Variants in CCSER1 observed in about 807,000 individuals in gnomAD.
CCSER1 encodes the protein serine-rich coiled-coil domain-containing protein 1.
CCSER1 carries 41 observed loss-of-function variants against 82.0 expected under a neutral mutation model. The ratio of observed to expected loss-of-function variants is 0.50; its 90% CI spans 0.39 to 0.65. CCSER1 has a LOEUF of 0.65. Among genes scored for constraint, CCSER1 ranks in the 30% least tolerant of loss-of-function variants. The probability of loss-of-function intolerance (pLI) is 0.00; values close to 1 mark genes in which losing one functional copy is unlikely to be tolerated. For synonymous variants in CCSER1, 414 were observed against 383.9 expected, an observed-to-expected ratio of 1.08 and a Z score of -0.92; for missense variants, 1,119 against 1,064.2, an observed-to-expected ratio of 1.05 and a Z score of -0.72.
intron 6 of CCSER1, among the ~76,000 whole-genome samples, chr4:90,660,562 A>G (rs1730586957): frequency 6.6e-6 from 1 of 152,140 alleles, no homozygotes. Flanking sequence ...AATTCATAAA[A>G]GCTGTGTAAG....
chr4:91,047,819 A>G (rs1742644451), intron 9 of CCSER1, among the ~76,000 whole-genome samples: 1 of 152,172 alleles, frequency 6.6e-6, no homozygotes, highest in South Asian at 2.1e-4. Flanking sequence ...AGCCATATAT[A>G]AATATTCGCC....
intron 1 of CCSER1, among the ~76,000 whole-genome samples, chr4:90,268,799 G>T (rs1279089428): frequency 6.6e-6 from 1 of 151,722 alleles, no homozygotes; most frequent in Non-Finnish European, 1.5e-5. Flanking sequence ...TTGCCTACAA[G>T]AAATGTACTT....
At chr4:90,966,200 T>A (rs906994661) in intron 9 of CCSER1, among the ~76,000 whole-genome samples, 3 of 152,040 alleles carry the variant, frequency 2.0e-5, no homozygotes, top group Non-Finnish European at 4.4e-5. Context: ...TATTTGAAGA[T>A]ATGATGGCCA....
chr4:90,958,358 A>G (rs1240257807), intron 9 of CCSER1, among the ~76,000 whole-genome samples: 3 of 152,184 alleles, frequency 2.0e-5, no homozygotes, highest in Non-Finnish European at 4.4e-5. Context: ...TAAAACAGTA[A>G]AGTAATAGCT....
chr4:90,299,759 G>C lies in CCSER1; in HGVS notation c.-41-8485G>C, dbSNP rs72879761. Among the ~76,000 whole-genome samples the C allele has an allele frequency of 7.8e-3, 1,194 of 152,212 alleles. 15 individuals carry two copies. Among genetic ancestry groups the C allele is most frequent in the African/African-American group, 0.027 (1,128 of 41,554 alleles). ...TGTAGATAGCATGGTCTTTCTAGTA[G>C]AAAGAGCCTGGACTGCAAGAATCCT... On this transcript the variant is annotated intron_variant, in intron 1 of 10. Transcript: ENST00000509176.
In CCSER1 at chr4:91,058,168, C is replaced by T. The variant is rs966678828; in HGVS notation, c.2173-27782C>T. ...TTTCCTGATCCTCTCCCTTCTCCCA[C>T]CCTTCACCCTCTGAGAAGCTCCAGT... On this transcript the variant is annotated intron_variant, in intron 9 of 10. Coordinates refer to ENST00000509176, the MANE Select transcript of CCSER1 (RefSeq NM_001145065.2). Among the ~76,000 whole-genome samples, 14 of 152,166 alleles carry T rather than the reference C, an allele frequency of 9.2e-5. No individual in the cohort carries two copies. In the East Asian group the frequency reaches 1.4e-3, roughly 15 times the overall value.
intron 7 of CCSER1, among the ~76,000 whole-genome samples, chr4:90,765,235 C>A (rs78675079): frequency 0.053 from 8,092 of 152,174 alleles, 284 homozygotes; most frequent in Non-Finnish European, 0.082. Flanking sequence ...CTTTGGGAAA[C>A]CTGTTTTTCA....
intron 4 of CCSER1, among the ~76,000 whole-genome samples, chr4:90,429,968 T>TG (rs1758053342): frequency 6.6e-6 from 1 of 151,832 alleles, no homozygotes; most frequent in Non-Finnish European, 1.5e-5. Context: ...AGGAAAGATC[T>TG]TTACTAAGTC....
At chr4:90,191,555 C>G (rs1735636642) in intron 1 of CCSER1, among the ~76,000 whole-genome samples, 1 of 151,910 alleles carries the variant, frequency 6.6e-6, no homozygotes, top group Non-Finnish European at 1.5e-5. Context: ...GTGGGTGTAC[C>G]ATGCATGGAA....
At chr4:90,375,188 T>G (rs553239787) in intron 3 of CCSER1, among the ~76,000 whole-genome samples, 1 of 152,276 alleles carries the variant, frequency 6.6e-6, no homozygotes, top group East Asian at 1.9e-4. Flanking sequence ...ACTGGATTCT[T>G]TTGTTAGACT....
At chr4:90,182,688 A>G (rs969148782) in intron 1 of CCSER1, among the ~76,000 whole-genome samples, 3 of 152,124 alleles carry the variant, frequency 2.0e-5, no homozygotes, top group African/African-American at 7.2e-5. Context: ...CTATTTTGGA[A>G]AGGAAAATTT....
At chr4:91,584,733 T>A (rs1421306371) in intron 10 of CCSER1, among the ~76,000 whole-genome samples, 1 of 151,570 alleles carries the variant, frequency 6.6e-6, no homozygotes, top group Non-Finnish European at 1.5e-5. Context: ...TATATATTTT[T>A]CTTCAGGTTT....
chr4:91,309,324 G>A (rs935642153), intron 10 of CCSER1, among the ~76,000 whole-genome samples: 17 of 148,172 alleles, frequency 1.1e-4, no homozygotes, highest in African/African-American at 4.0e-4. Context: ...ATTCTTCAAG[G>A]AGGCCACTGA....
At chr4:91,438,702 T>G (rs1754867072) in intron 10 of CCSER1, among the ~76,000 whole-genome samples, 1 of 136,788 alleles carries the variant, frequency 7.3e-6, no homozygotes, top group Non-Finnish European at 1.5e-5. Flanking sequence ...AGGAGGAAAT[T>G]CAAACCAAAG....
At chr4:91,480,797 G>C (rs953168818) in intron 10 of CCSER1, among the ~76,000 whole-genome samples, 2 of 152,094 alleles carry the variant, frequency 1.3e-5, no homozygotes, top group Admixed American at 6.6e-5. Context: ...ATGATAGAAC[G>C]TGACACTTCT....
intron 3 of CCSER1, among the ~76,000 whole-genome samples, chr4:90,363,156 C>T (rs1450216125): frequency 3.3e-5 from 5 of 152,110 alleles, no homozygotes; most frequent in Non-Finnish European, 7.4e-5. Flanking sequence ...AACAAAGGAA[C>T]ATAGAGTCGA....
chr4:91,370,645 G>A (rs530450546), intron 10 of CCSER1, among the ~76,000 whole-genome samples: 3 of 151,780 alleles, frequency 2.0e-5, no homozygotes, highest in Admixed American at 6.6e-5. Context: ...GCAGTGAGCC[G>A]AGATCATGCC....
chr4:90,351,550 A>T (rs189886133), intron 3 of CCSER1, among the ~76,000 whole-genome samples: 6,310 of 152,258 alleles, frequency 0.041, 201 homozygotes, highest in South Asian at 0.1. Flanking sequence ...AATAACAAAA[A>T]TTTTTTTAGA....
intron 9 of CCSER1, among the ~76,000 whole-genome samples, chr4:90,950,373 A>G (rs1474080495): frequency 5.3e-5 from 8 of 152,232 alleles, no homozygotes; most frequent in South Asian, 2.1e-4. Flanking sequence ...AAACTGAGAT[A>G]TATTTTTATT....
Sources: allele counts gnomAD v4.1 joint callset (sites outside exome capture counted in the v4.1 genomes callset), GRCh38; gene constraint gnomAD v4.1.1; transcripts MANE v1.5; gene names NCBI Gene and HGNC (gene_info 2026-07-23, HGNC 2026-07-21).